MEP1B: variants seen among roughly 807,000 people sequenced by gnomAD.
MEP1B encodes the protein N-benzoyl-L-tyrosyl-P-amino-benzoic acid hydrolase subunit beta.
In MEP1B, 80 loss-of-function variants were observed where a neutral mutation model predicts 84.6. That is an observed-to-expected ratio of 0.95 (90% CI 0.79 to 1.14). MEP1B has a LOEUF of 1.14. MEP1B is among the 50% of genes most tolerant of loss of function. MEP1B has a pLI of 0.00. For missense variants in MEP1B, 766 were observed against 855.1 expected (o/e 0.90, Z 1.30); for synonymous variants, 273 against 288.1 (o/e 0.95, Z 0.53).
At chr18:32,192,530 T>C in intron 2 of MEP1B, 116 bp from the exon 3 acceptor site, 3 of 856,324 alleles carry the variant, frequency 3.5e-6, no homozygotes, top group Non-Finnish European at 5.8e-6. Flanking sequence ...AGTCTGAATC[T>C]AGTAGTCACC....
chr18:32,196,306 C>A lies in MEP1B; in HGVS notation c.250+821C>A. 1.4e-6 allele frequency: 1 copy of A among 705,400 alleles called. No individual in the cohort carries two copies. Among genetic ancestry groups the A allele is most frequent in the Non-Finnish European group, 2.7e-6 (1 of 377,350 alleles). The allele number at this position is 705,400 out of a possible 1,614,324, so 43.7% of individuals were successfully genotyped here. A position where few individuals can be genotyped will look rare whatever the true frequency, so the allele number is the denominator to read the frequency against. Reference sequence around the variant, plus strand: ...GAAGTTGAGGGGCGGGATGTTGTTGCTGGAGCCGTTGCGGTAGATCTCATG... The same window carrying A: ...GAAGTTGAGGGGCGGGATGTTGTTGATGGAGCCGTTGCGGTAGATCTCATG... On this transcript the variant is annotated intron_variant, in intron 5 of 14. Coordinates refer to ENST00000269202, the MANE Select transcript of MEP1B (RefSeq NM_005925.3). The surrounding 1 kb of genome is among the most constrained non-coding windows in gnomAD (Gnocchi z 4.4).
Position 32,210,501 on chromosome 18 carries a change from G to T in MEP1B, c.920G>T (p.Gly307Val), listed in dbSNP as rs761078188. Residue 307 changes from glycine (G) to valine (V), a missense_variant and splice_region_variant, in exon 10 of 15, where the codon GGT (glycine) becomes GTT (valine). Coordinates refer to ENST00000269202, the MANE Select transcript of MEP1B (RefSeq NM_005925.3). ...TCTCAATTCTGCTTTTCTTTAACAG[G>T]TTCTGGTTTCTTCATGCATTTCGAT... is the stretch of plus-strand genomic sequence containing the variant. Reference protein sequence around the residue: ...SDHSNMGQCQGSGFFMHFDSS... With the variant: ...SDHSNMGQCQVSGFFMHFDSS... 3.1e-6 allele frequency: 5 copies of T among 1,613,238 alleles called. No individual in the cohort carries two copies. The highest frequency in any genetic ancestry group is 4.2e-6 in the Non-Finnish European group (5 of 1,179,436).
intron 9 of MEP1B, among the ~76,000 whole-genome samples, chr18:32,210,024 G>T (rs1345118078): frequency 6.6e-6 from 1 of 152,094 alleles, no homozygotes; most frequent in African/African-American, 2.4e-5. Flanking sequence ...TTCTCAGCGG[G>T]GGAACAACCC....
chr18:32,193,900 C>T (rs1021417902), intron 4 of MEP1B, among the ~76,000 whole-genome samples: 1 of 152,182 alleles, frequency 6.6e-6, no homozygotes, highest in African/African-American at 2.4e-5. Flanking sequence ...AGGCATATCT[C>T]TGGTCCTCTC....
intron 14 of MEP1B, among the ~76,000 whole-genome samples, chr18:32,218,883 A>T (rs1384676150): frequency 6.6e-6 from 1 of 152,244 alleles, no homozygotes; most frequent in African/African-American, 2.4e-5. Context: ...GGCAGGACAA[A>T]GCAGCAGTTC....
Position 32,210,618 on chromosome 18 carries a change from A to G in MEP1B, c.1037A>G (p.Tyr346Cys), listed in dbSNP as rs760530908. The G allele has an allele frequency of 1.9e-6, 3 of 1,614,044 alleles. No individual in the cohort carries two copies. Among genetic ancestry groups the G allele is most frequent in the African/African-American group, 2.7e-5 (2 of 75,074 alleles). The change falls in exon 10 of 15, where the codon TAT (tyrosine) becomes TGT (cysteine). Residue 346 changes from tyrosine (Y) to cysteine (C), a missense_variant. Physicochemically the swap from Tyr to Cys is radical, Grantham distance 194. Coordinates refer to ENST00000269202, the MANE Select transcript of MEP1B (RefSeq NM_005925.3). ...TTTCAGTGCCTGCAATTTTACTTAT[A>G]TAACAGTGGCAGTGAAAGTGATCAA... ...RGFQCLQFYL[Y>C]NSGSESDQLN... is the part of the protein sequence containing the mutation.
chr18:32,192,799 T>C lies in MEP1B; in HGVS notation c.153T>C (p.Gly51=). Reference sequence around the variant, plus strand: ...GTTTGGGACTGGATCTTTTTGAGGGTGACATCAGACTTGATAGGGTGAGTT... The same window carrying C: ...GTTTGGGACTGGATCTTTTTGAGGGCGACATCAGACTTGATAGGGTGAGTT... ...NEGLGLDLFE[G]DIRLDRAQIR... is the part of the protein sequence containing the mutation. Residue 51 remains glycine, a synonymous_variant, in exon 4 of 15, where the codon GGT becomes GGC. Coordinates refer to ENST00000269202, the MANE Select transcript of MEP1B (RefSeq NM_005925.3). 6.2e-7 allele frequency: 1 copy of C among 1,612,838 alleles called. No individual in the cohort carries two copies. Among genetic ancestry groups the C allele is most frequent in the South Asian group, 1.1e-5 (1 of 91,054 alleles).
chr18:32,220,090 G>A (rs2041134895), intron 14 of MEP1B, 141 bp from the exon 15 acceptor site: 3 of 698,150 alleles, frequency 4.3e-6, no homozygotes, highest in Non-Finnish European at 7.3e-6. Flanking sequence ...CCAGGAGCAG[G>A]AGCCATTGCC....
chr18:32,207,904 T>G (rs183345571), intron 8 of MEP1B, among the ~76,000 whole-genome samples: 27 of 152,274 alleles, frequency 1.8e-4, no homozygotes, highest in African/African-American at 6.3e-4. Context: ...AAAAAAGACT[T>G]CAGGCAGGGA....
intron 8 of MEP1B, among the ~76,000 whole-genome samples, 168 bp from the exon 9 acceptor site, chr18:32,207,951 T>C (rs768623995): frequency 2.9e-4 from 44 of 152,178 alleles, no homozygotes; most frequent in Non-Finnish European, 5.7e-4. Flanking sequence ...ACCTTCTTTG[T>C]AGGGGTTCTG....
chr18:32,215,969 C>CATATATATAT (rs10522884), intron 12 of MEP1B, among the ~76,000 whole-genome samples: 10 of 134,948 alleles, frequency 7.4e-5, no homozygotes, highest in Non-Finnish European at 1.3e-4. Flanking sequence ...TACATATATG[C>CATATATATAT]ATATATATAT....
At chr18:32,207,185 CA>C (rs2040974079) in intron 7 of MEP1B, 66 bp from the exon 8 acceptor site, 2 of 1,000,210 alleles carry the variant, frequency 2.0e-6, no homozygotes, top group Admixed American at 4.4e-5. Flanking sequence ...TCTAAGTGAG[CA>C]GTATTTGGAG....
intron 14 of MEP1B, among the ~76,000 whole-genome samples, chr18:32,219,821 C>CACAT (rs1006174828): frequency 2.0e-5 from 3 of 151,992 alleles, no homozygotes; most frequent in Admixed American, 1.3e-4. Context: ...CACACACACA[C>CACAT]ACACACACAC....
intron 12 of MEP1B, 83 bp downstream of exon 12, chr18:32,215,344 C>G: frequency 3.4e-6 from 3 of 884,290 alleles, no homozygotes; most frequent in African/African-American, 1.7e-5. Flanking sequence ...TTTCTGCATT[C>G]CACTTTTAGA....
chr18:32,199,710 T>C (rs2040892674), intron 5 of MEP1B, among the ~76,000 whole-genome samples: 1 of 151,484 alleles, frequency 6.6e-6, no homozygotes, highest in Non-Finnish European at 1.5e-5. Context: ...CTTCCTTCCT[T>C]CTTTCTTTTT....
At chr18:32,205,852 G>A (rs931126868) in intron 7 of MEP1B, among the ~76,000 whole-genome samples, 119 of 152,232 alleles carry the variant, frequency 7.8e-4, no homozygotes, top group African/African-American at 2.8e-3. Flanking sequence ...TGTACACAAC[G>A]TGGAATGACT....
At chr18:32,195,176 T>C (rs997180409) in intron 4 of MEP1B, among the ~76,000 whole-genome samples, 14 of 152,186 alleles carry the variant, frequency 9.2e-5, no homozygotes, top group African/African-American at 3.1e-4. Context: ...ATTTTTTGCA[T>C]TATTCCTTCT....
intron 6 of MEP1B, among the ~76,000 whole-genome samples, chr18:32,203,657 C>T (rs1356162586): frequency 2.0e-5 from 3 of 152,082 alleles, no homozygotes; most frequent in Admixed American, 1.3e-4. Context: ...TACAGAAATA[C>T]CAGGGACTCG....
At chr18:32,192,952 T>C (rs1271660940) in intron 4 of MEP1B, 135 bp downstream of exon 4, 4 of 649,590 alleles carry the variant, frequency 6.2e-6, no homozygotes, top group East Asian at 2.7e-5. Flanking sequence ...TGGTGACACA[T>C]TTATTCAATG....
Sources: gnomAD v4.1 joint callset for allele counts (sites outside exome capture counted in the v4.1 genomes callset) on GRCh38, gnomAD v4.1.1 for gene constraint, Gnocchi (gnomAD v3.1) non-coding constraint, MANE v1.5 for transcripts, NCBI Gene and HGNC (gene_info 2026-07-23, HGNC 2026-07-21) for gene names.